Variants in PTPRD observed in about 807,000 individuals in gnomAD.
PTPRD encodes the protein receptor-type tyrosine-protein phosphatase delta.
Under a neutral mutation model 214.5 loss-of-function variants are expected in PTPRD, and 34 were observed. The ratio of observed to expected loss-of-function variants is 0.16; its 90% CI spans 0.12 to 0.21. PTPRD has a LOEUF of 0.21. PTPRD is among the 10% of genes least tolerant of loss of function. The pLI is 1.00. For missense variants in PTPRD, 2,545 were observed against 2,398.7 expected (o/e 1.06, Z -1.27); for synonymous variants, 1,128 against 845.7 (o/e 1.33, Z -5.79).
intron 4 of PTPRD, among the ~76,000 whole-genome samples, chr9:9,980,877 A>C (rs1468096765): frequency 6.6e-6 from 1 of 150,986 alleles, no homozygotes; most frequent in Non-Finnish European, 1.5e-5. Flanking sequence ...AAAAAATGCT[A>C]ATTTAACCAT....
chr9:8,319,366 T>C (rs934304762), intron 45 of PTPRD, among the ~76,000 whole-genome samples: 22 of 152,018 alleles, frequency 1.4e-4, no homozygotes, highest in Non-Finnish European at 1.8e-4. Context: ...ATCTCTAGGC[T>C]TATCCAGAAT....
chr9:9,372,873 G>A (rs1225257619), intron 9 of PTPRD, among the ~76,000 whole-genome samples: 1 of 152,004 alleles, frequency 6.6e-6, no homozygotes, highest in Non-Finnish European at 1.5e-5. Context: ...CACTTATGAA[G>A]CTTAGTTTGG....
Position 9,874,376 on chromosome 9 carries a change from T to C in PTPRD, c.-368+64131A>G, listed in dbSNP as rs1246874451. On this transcript the variant is annotated intron_variant, in intron 5 of 45. Transcript: ENST00000381196. ...CTTAAAAACAATCAACTACATTACA[T>C]GAGTGATGTTATACAGGATATCAAT... 3.9e-5 allele frequency among the ~76,000 whole-genome samples: 6 copies of C among 152,258 alleles called. No homozygotes were observed. The South Asian group carries it at 1.2e-3, about 32-fold the overall frequency.
chr9:9,502,090 G>T (rs1242334377), intron 8 of PTPRD, among the ~76,000 whole-genome samples: 1 of 151,712 alleles, frequency 6.6e-6, no homozygotes, highest in Non-Finnish European at 1.5e-5. Context: ...CCTCCTAAAG[G>T]TTCCGCTTGC....
intron 2 of PTPRD, among the ~76,000 whole-genome samples, chr9:10,429,783 A>G (rs2098660104): frequency 6.6e-6 from 1 of 151,840 alleles, no homozygotes; most frequent in African/African-American, 2.4e-5. Context: ...TAGTTAATGG[A>G]TAAAATGTAT....
At chr9:9,625,133 G>C (rs914873354) in intron 7 of PTPRD, among the ~76,000 whole-genome samples, 1 of 152,118 alleles carries the variant, frequency 6.6e-6, no homozygotes, top group South Asian at 2.1e-4. Flanking sequence ...GTAGTTCTTG[G>C]ACCTGCCTTT....
chr9:9,466,650 C>T (rs1369331671), intron 8 of PTPRD, among the ~76,000 whole-genome samples: 8 of 152,158 alleles, frequency 5.3e-5, no homozygotes, highest in Admixed American at 4.6e-4. Context: ...TAGGGATATT[C>T]TGTATGGATA....
At chr9:10,099,800 T>C (rs1223721617) in intron 3 of PTPRD, among the ~76,000 whole-genome samples, 1 of 151,644 alleles carries the variant, frequency 6.6e-6, no homozygotes, top group Non-Finnish European at 1.5e-5. Context: ...ATCCTGATTG[T>C]TAAAAGAAGA....
intron 5 of PTPRD, among the ~76,000 whole-genome samples, chr9:9,878,930 T>C (rs997615525): frequency 6.6e-6 from 1 of 152,208 alleles, no homozygotes; most frequent in African/African-American, 2.4e-5. Context: ...GACTTTATTA[T>C]AGGCTCCAGT....
chr9:9,838,013 A>G (rs1367783798), intron 5 of PTPRD, among the ~76,000 whole-genome samples: 1 of 151,954 alleles, frequency 6.6e-6, no homozygotes, highest in African/African-American at 2.4e-5. Flanking sequence ...GTGAGAACAC[A>G]CGGTGTTTGG....
chr9:9,888,209 G>A (rs143685322), intron 5 of PTPRD, among the ~76,000 whole-genome samples: 1,751 of 152,248 alleles, frequency 0.012, 21 homozygotes, highest in South Asian at 0.025. Context: ...AGATGTTATG[G>A]AGGAATCTGT....
intron 3 of PTPRD, among the ~76,000 whole-genome samples, chr9:10,092,385 T>C (rs1350859903): frequency 2.6e-5 from 4 of 151,568 alleles, no homozygotes; most frequent in Non-Finnish European, 4.4e-5. Context: ...CCATTAATTA[T>C]ACAGCTGCCC....
intron 7 of PTPRD, among the ~76,000 whole-genome samples, chr9:9,713,726 G>A (rs1342765270): frequency 1.3e-5 from 2 of 152,094 alleles, no homozygotes; most frequent in Non-Finnish European, 2.9e-5. Context: ...TTATTACAGG[G>A]ACAGTGGGAG....
intron 2 of PTPRD, among the ~76,000 whole-genome samples, chr9:10,428,983 G>A (rs565341483): frequency 6.6e-6 from 1 of 152,100 alleles, no homozygotes; most frequent in Non-Finnish European, 1.5e-5. Context: ...CATAGGGTTG[G>A]TTGTGGCAAT....
intron 8 of PTPRD, among the ~76,000 whole-genome samples, chr9:9,443,043 C>T (rs555420757): frequency 2.0e-5 from 3 of 152,068 alleles, no homozygotes; most frequent in African/African-American, 7.2e-5. Flanking sequence ...AAACATAAAT[C>T]CCCAAAATGT....
intron 11 of PTPRD, among the ~76,000 whole-genome samples, chr9:8,856,876 T>C (rs2097924539): frequency 6.6e-6 from 1 of 152,166 alleles, no homozygotes; most frequent in Non-Finnish European, 1.5e-5. Flanking sequence ...AAAATCAACG[T>C]CCAGAGAAGC....
chr9:8,636,548 AT>A, intron 13 of PTPRD, 150 bp downstream of exon 13: 1 of 1,064,930 alleles, frequency 9.4e-7, no homozygotes, highest in Non-Finnish European at 1.3e-6. Flanking sequence ...TTAAAAAGCC[AT>A]TTAGAGTTAC....
At chr9:8,721,291 A>C (rs987734269) in intron 12 of PTPRD, among the ~76,000 whole-genome samples, 3 of 151,788 alleles carry the variant, frequency 2.0e-5, no homozygotes, top group African/African-American at 7.3e-5. Context: ...TTAGTCAGGC[A>C]TGGTGGCACA....
chr9:10,112,589 A>G (rs1413509917), intron 3 of PTPRD, among the ~76,000 whole-genome samples: 1 of 152,230 alleles, frequency 6.6e-6, no homozygotes. Context: ...GTAACAGCAT[A>G]TGATTAACCC....
Sources: gnomAD v4.1 joint callset for allele counts (sites outside exome capture counted in the v4.1 genomes callset) on GRCh38, gnomAD v4.1.1 for gene constraint, MANE v1.5 for transcripts, NCBI Gene and HGNC (gene_info 2026-07-23, HGNC 2026-07-21) for gene names.